FBXW7: variants seen among roughly 807,000 people sequenced by gnomAD.
FBXW7 encodes the protein F-box/WD repeat-containing protein 7.
A neutral mutation model predicts 86.3 loss-of-function variants in FBXW7; 11 were observed. That is an observed-to-expected ratio of 0.13 (90% confidence interval 0.08 to 0.21). The LOEUF (loss-of-function observed/expected upper bound fraction) is 0.21, where lower values mean the gene tolerates loss of function less well. Ranked by LOEUF, FBXW7 falls within the 10% of genes least tolerant of loss-of-function variation. The pLI, the probability that FBXW7 is intolerant of heterozygous loss-of-function variation, is 1.00. For missense variants in FBXW7, 488 were observed against 847.4 expected, an observed-to-expected ratio of 0.58 and a Z score of 5.27; for synonymous variants, 313 against 297.9, an observed-to-expected ratio of 1.05 and a Z score of -0.52.
chr4:152,439,438 G>A (rs903755979), intron 2 of FBXW7, among the ~76,000 whole-genome samples: 3 of 151,984 alleles, frequency 2.0e-5, no homozygotes, highest in Non-Finnish European at 4.4e-5. Context: ...TACTGGTTTC[G>A]TTACTACAGA....
chr4:152,395,279 C>T (rs1477732978), intron 4 of FBXW7, among the ~76,000 whole-genome samples: 1 of 152,000 alleles, frequency 6.6e-6, no homozygotes, highest in African/African-American at 2.4e-5. Flanking sequence ...ACTCCAGATG[C>T]TTCTGATGCA....
chr4:152,335,220 A>C (rs933723701), intron 7 of FBXW7, among the ~76,000 whole-genome samples: 27 of 152,144 alleles, frequency 1.8e-4, no homozygotes, highest in African/African-American at 5.8e-4. Flanking sequence ...AGGTGTTTGG[A>C]AAATAATTAG....
At chr4:152,345,591 A>G (rs781458943) in intron 6 of FBXW7, among the ~76,000 whole-genome samples, 1 of 152,044 alleles carries the variant, frequency 6.6e-6, no homozygotes, top group East Asian at 1.9e-4. Context: ...ATGTCTTGAG[A>G]CACTTTTGTC....
At chr4:152,467,431 GTA>G (rs1310078060) in intron 2 of FBXW7, among the ~76,000 whole-genome samples, 1 of 152,072 alleles carries the variant, frequency 6.6e-6, no homozygotes, top group Non-Finnish European at 1.5e-5. Context: ...CCAGTCTTGG[GTA>G]TATGTCTTTA....
intron 4 of FBXW7, among the ~76,000 whole-genome samples, chr4:152,395,892 T>C (rs766763343): frequency 6.6e-6 from 1 of 152,056 alleles, no homozygotes; most frequent in African/African-American, 2.4e-5. Flanking sequence ...ACGGAAGTGC[T>C]TTTGCAAAAT....
chr4:152,443,343 T>C (rs1289904661), intron 2 of FBXW7, among the ~76,000 whole-genome samples: 1 of 152,198 alleles, frequency 6.6e-6, no homozygotes, highest in Non-Finnish European at 1.5e-5. Context: ...TGGTAGCTGT[T>C]ACTTTAATTA....
chr4:152,533,455 T>C (rs985464032), intron 2 of FBXW7, among the ~76,000 whole-genome samples: 2 of 152,188 alleles, frequency 1.3e-5, no homozygotes, highest in African/African-American at 2.4e-5. Context: ...TATTCAGTAT[T>C]TTCATGTCAG....
intron 2 of FBXW7, among the ~76,000 whole-genome samples, chr4:152,499,644 A>G (rs1746723646): frequency 1.3e-5 from 2 of 152,190 alleles, no homozygotes; most frequent in Non-Finnish European, 2.9e-5. Flanking sequence ...TAACCCATGA[A>G]GTAAACTGCA....
In FBXW7 at chr4:152,426,889, T is replaced by C. The variant is rs79477918; in HGVS notation, c.-119-14360A>G. 4.6e-5 allele frequency among the ~76,000 whole-genome samples: 7 copies of C among 152,182 alleles called. No homozygotes were observed. In the East Asian group the frequency reaches 1.4e-3, roughly 29 times the overall value. On this transcript the variant is annotated intron_variant, in intron 2 of 13. Coordinates refer to ENST00000281708, the MANE Select transcript of FBXW7 (RefSeq NM_001349798.2). ...GGAAAGAGAAGGGCCACAAGAAACT[T>C]GGGAAAACAGAGTCAAGAAATCTCA...
chr4:152,378,179 A>G (rs375982341), intron 4 of FBXW7, among the ~76,000 whole-genome samples: 1 of 152,230 alleles, frequency 6.6e-6, no homozygotes, highest in African/African-American at 2.4e-5. Flanking sequence ...ATGACGATAC[A>G]TAAGATGTGA....
rs947278027 is a variant in FBXW7, at chr4:152,365,314, T to C, written c.502-15190A>G. On this transcript the variant is annotated intron_variant, in intron 4 of 13. Transcript: ENST00000281708. ...AGAGTAATGAAAAGCTAATGCTGCA[T>C]AGTAGTTAAGAAAAAGATATAATCA... Among the ~76,000 whole-genome samples the C allele has an allele frequency of 3.3e-5, 5 of 152,202 alleles. No homozygotes were observed. In the South Asian group the frequency reaches 8.3e-4, roughly 25 times the overall value.
chr4:152,330,703 TTC>T, intron 9 of FBXW7, 27 bp downstream of exon 9: 1 of 1,600,674 alleles, frequency 6.2e-7, no homozygotes, highest in Non-Finnish European at 8.5e-7. Flanking sequence ...GATTAACGGT[TTC>T]TGTTACATTG....
At chr4:152,424,946 T>C (rs1739250719) in intron 2 of FBXW7, among the ~76,000 whole-genome samples, 1 of 152,258 alleles carries the variant, frequency 6.6e-6, no homozygotes, top group African/African-American at 2.4e-5. Flanking sequence ...CAACTGACTA[T>C]GCATATGAAA....
intron 4 of FBXW7, among the ~76,000 whole-genome samples, chr4:152,391,601 G>A (rs370850907): frequency 3.3e-4 from 50 of 152,180 alleles, no homozygotes; most frequent in African/African-American, 1.1e-3. Flanking sequence ...TAGAAAATAC[G>A]TACGCATTGT....
At chr4:152,524,802 A>T (rs901935064) in intron 2 of FBXW7, among the ~76,000 whole-genome samples, 13 of 152,178 alleles carry the variant, frequency 8.5e-5, no homozygotes, top group Non-Finnish European at 1.8e-4. Flanking sequence ...TGGTAATATA[A>T]AAGTTTAGTA....
At position 152,420,726 on chromosome 4, in the gene FBXW7, A is replaced by G. The variant is rs562424469; in HGVS notation, c.-119-8197T>C. ...ATTGTCAGTGAGCAGTAATATTTTG[A>G]AAGGAATCTTTCACTGAGAGCAGTA... On this transcript the variant is annotated intron_variant, in intron 2 of 13. Coordinates refer to ENST00000281708, the MANE Select transcript of FBXW7 (RefSeq NM_001349798.2). 5.3e-5 allele frequency among the ~76,000 whole-genome samples: 8 copies of G among 152,270 alleles called. No homozygotes were observed. The East Asian group carries it at 1.5e-3, about 29-fold the overall frequency.
At chr4:152,410,102 G>A (rs966636539) in intron 4 of FBXW7, among the ~76,000 whole-genome samples, 1 of 152,152 alleles carries the variant, frequency 6.6e-6, no homozygotes, top group African/African-American at 2.4e-5. Flanking sequence ...TTAAAGTGTA[G>A]CAGAAATCAG....
chr4:152,529,311 C>G (rs1367731997), intron 2 of FBXW7, among the ~76,000 whole-genome samples: 1 of 151,874 alleles, frequency 6.6e-6, no homozygotes, highest in African/African-American at 2.4e-5. Context: ...TTATAGTGAC[C>G]TTCTAAAAGA....
intron 2 of FBXW7, among the ~76,000 whole-genome samples, chr4:152,426,667 C>T (rs2126934222): frequency 6.6e-6 from 1 of 152,244 alleles, no homozygotes; most frequent in Admixed American, 6.5e-5. Context: ...AACCGGCCGC[C>T]CAGCAGATGA....
Sources: allele counts gnomAD v4.1 joint callset (sites outside exome capture counted in the v4.1 genomes callset), GRCh38; gene constraint gnomAD v4.1.1; transcripts MANE v1.5; gene names NCBI Gene and HGNC (gene_info 2026-07-23, HGNC 2026-07-21).